The following PCDHA3 variants were observed in gnomAD, a reference collection of about 807,000 sequenced individuals.
PCDHA3 encodes the protein protocadherin alpha 3.
In PCDHA3, 41 loss-of-function variants were observed where a neutral mutation model predicts 62.2. The observed-to-expected ratio is 0.66, with a 90% CI of 0.51 to 0.86. PCDHA3 has a LOEUF of 0.86. Ranked by LOEUF, PCDHA3 falls within the 40% of genes least tolerant of loss-of-function variation. PCDHA3 has a pLI of 0.00. For synonymous variants in PCDHA3, 640 were observed against 555.4 expected, an observed-to-expected ratio of 1.15 and a Z score of -2.14; for missense variants, 1,304 against 1,241.2, an observed-to-expected ratio of 1.05 and a Z score of -0.76.
chr5:140,990,834 A>G (rs1554251782), intron 3 of PCDHA3, among the ~76,000 whole-genome samples: 1 of 152,234 alleles, frequency 6.6e-6, no homozygotes, highest in East Asian at 1.9e-4. Flanking sequence ...AAAGCCTATT[A>G]GCAAAAATAG....
intron 1 of PCDHA3, among the ~76,000 whole-genome samples, chr5:140,946,691 G>C (rs782114019): frequency 6.8e-6 from 1 of 147,578 alleles, no homozygotes; most frequent in Non-Finnish European, 1.5e-5. Flanking sequence ...TGACAATATG[G>C]ATGAATCTGG....
intron 1 of PCDHA3, chr5:140,827,943 A>T: frequency 1.7e-6 from 2 of 1,183,778 alleles, no homozygotes; most frequent in Admixed American, 2.3e-5. Flanking sequence ...TAGCTAGCCA[A>T]CATTCAAATT....
chr5:141,000,948 G>C (rs1032144041), intron 3 of PCDHA3, among the ~76,000 whole-genome samples: 3 of 151,774 alleles, frequency 2.0e-5, no homozygotes, highest in Non-Finnish European at 1.5e-5. Flanking sequence ...AAATTATCTT[G>C]CTGTAATTTA....
At chr5:140,877,798 C>T in intron 1 of PCDHA3, 2 of 1,613,568 alleles carry the variant, frequency 1.2e-6, no homozygotes. Flanking sequence ...CAGCCCAAGC[C>T]TTCAGCTGTC....
chr5:140,937,838 G>A (rs757526914), intron 1 of PCDHA3, among the ~76,000 whole-genome samples: 3 of 150,986 alleles, frequency 2.0e-5, no homozygotes, highest in Non-Finnish European at 2.9e-5. Context: ...CATGAACCTG[G>A]AAGGCGGAAC....
intron 1 of PCDHA3, chr5:140,843,832 T>C (rs1176599211): frequency 8.9e-7 from 1 of 1,120,192 alleles, no homozygotes; most frequent in Non-Finnish European, 1.3e-6. Flanking sequence ...AAACATTGTT[T>C]AGTTTTTAGA....
At position 140,853,959 on chromosome 5, in the gene PCDHA3, G is replaced by A. The variant is rs2042923125; in HGVS notation, c.2394+50368G>A. 2.7e-6 allele frequency: 2 copies of A among 736,852 alleles called. 1 individual carries two copies. The highest frequency in any genetic ancestry group is 3.4e-6 in the Non-Finnish European group (2 of 589,618). The allele number at this position is 736,852 out of a possible 1,614,324, so 45.6% of individuals were successfully genotyped here. On this transcript the variant is annotated intron_variant, in intron 1 of 3. Transcript: ENST00000522353. ...CAAGGTGGGAGGGTCCCTTCCTTGA[G>A]CCCAGCAGTTTGAGACCAATGTAGT...
At chr5:140,962,350 C>A (rs78940637) in intron 1 of PCDHA3, among the ~76,000 whole-genome samples, 3,557 of 152,264 alleles carry the variant, frequency 0.023, 46 homozygotes, top group Middle Eastern at 0.034. Context: ...TAAAACTCCC[C>A]CCAATACTGG....
At position 140,836,743 on chromosome 5, in the gene PCDHA3, G is replaced by A. The variant is rs143805132; in HGVS notation, c.2394+33152G>A. The A allele has an allele frequency of 3.8e-4, 606 of 1,593,492 alleles. 2 individuals carry two copies. Among genetic ancestry groups the A allele is most frequent in the Non-Finnish European group, 4.1e-4 (480 of 1,171,798 alleles). ...GGTCCATCCTCTACAGACAATGTGA[G>A]TCATAAATAATCTTGTTTCCAACAA... On this transcript the variant is annotated intron_variant, in intron 1 of 3. Transcript: ENST00000522353.
chr5:140,928,592 T>G (rs781970359), intron 1 of PCDHA3: 1 of 1,614,178 alleles, frequency 6.2e-7, no homozygotes, highest in Non-Finnish European at 8.5e-7. Context: ...TCTGTCCCAG[T>G]GGAAATTGTG....
intron 1 of PCDHA3, among the ~76,000 whole-genome samples, chr5:140,845,336 T>C (rs2150378543): frequency 6.7e-6 from 1 of 149,694 alleles, no homozygotes; most frequent in Non-Finnish European, 1.5e-5. Context: ...TACTGAATTC[T>C]CCTAAACATT....
At position 140,801,259 on chromosome 5, in the gene PCDHA3, T is replaced by G. The variant is rs1762666214; in HGVS notation, c.62T>G (p.Leu21Arg). 6 of 1,613,624 alleles carry G rather than the reference T, an allele frequency of 3.7e-6. No individual in the cohort carries two copies. The highest frequency in any genetic ancestry group is 5.1e-6 in the Non-Finnish European group (6 of 1,179,876). ...AQCLLLSLLL[L>R]AASEVGSGQL... is the part of the protein sequence containing the mutation. ...TGCCTGCTGCTTTCTCTTCTGCTCC[T>G]CGCAGCCTCGGAGGTGGGGAGCGGC... The change falls in exon 1 of 4, where the codon CTC (leucine) becomes CGC (arginine). Residue 21 changes from leucine (L) to arginine (R), a missense_variant. Physicochemically the swap from Leu to Arg is moderately radical, Grantham distance 102. Coordinates refer to ENST00000522353, the MANE Select transcript of PCDHA3 (RefSeq NM_018906.3).
intron 1 of PCDHA3, chr5:140,967,726 TG>T: frequency 6.2e-7 from 1 of 1,613,974 alleles, no homozygotes; most frequent in Non-Finnish European, 8.5e-7. Flanking sequence ...TGCGAGTAAT[TG>T]GGGGGCTGGA....
At position 140,803,496 on chromosome 5, in the gene PCDHA3, A is replaced by G; in HGVS notation, c.2299A>G (p.Thr767Ala). ...GTGCTCTGGAGAGGGGTTGCCCAAG[A>G]CCGACCTCATGGCTTTTAGCCCTAG... ...RVCSGEGLPK[T>A]DLMAFSPSLP... The change falls in exon 1 of 4, where the codon ACC (threonine) becomes GCC (alanine). Residue 767 changes from threonine to alanine, a missense_variant. Physicochemically the swap from Thr to Ala is moderately conservative, Grantham distance 58. Coordinates refer to ENST00000522353, the MANE Select transcript of PCDHA3 (RefSeq NM_018906.3). 1.2e-6 allele frequency: 2 copies of G among 1,614,224 alleles called. No individual in the cohort carries two copies. The highest frequency in any genetic ancestry group is 1.7e-6 in the Non-Finnish European group (2 of 1,180,032).
chr5:140,962,796 A>T (rs1248367259), intron 1 of PCDHA3, among the ~76,000 whole-genome samples: 1 of 152,222 alleles, frequency 6.6e-6, no homozygotes, highest in Non-Finnish European at 1.5e-5. Flanking sequence ...ACTACTTTGG[A>T]CAACTCTAAA....
chr5:140,963,177 T>A (rs1002604435), intron 1 of PCDHA3, among the ~76,000 whole-genome samples: 1 of 152,194 alleles, frequency 6.6e-6, no homozygotes, highest in East Asian at 1.9e-4. Flanking sequence ...CTTACAGATA[T>A]GCTGTAGACT....
At chr5:140,971,977 G>A (rs891260348) in intron 1 of PCDHA3, among the ~76,000 whole-genome samples, 1 of 152,022 alleles carries the variant, frequency 6.6e-6, no homozygotes, top group Non-Finnish European at 1.5e-5. Context: ...AATACTATGA[G>A]TAGACAGAAG....
In PCDHA3 at chr5:140,946,631, T is replaced by TATATATATATATATATATATAC. The variant is rs57893927; in HGVS notation, c.2395-32317_2395-32316insTATATATATATATATATATACA. 3.0e-3 allele frequency among the ~76,000 whole-genome samples: 389 copies of TATATATATATATATATATATAC among 131,774 alleles called. 27 individuals are homozygous for TATATATATATATATATATATAC. The highest frequency in any genetic ancestry group is 0.013 in the African/African-American group (369 of 28,648). 86.4% of individuals were successfully genotyped at this position (131,774 alleles called of 152,430 possible). A position where few individuals can be genotyped will look rare whatever the true frequency, so the allele number is the denominator to read the frequency against. ...TGTGAAATATATATATATATATATA[T>TATATATATATATATATATATAC]ACAATGGAATACTCATCAGCCATTA... On this transcript the variant is annotated intron_variant, in intron 1 of 3. Coordinates refer to ENST00000522353, the MANE Select transcript of PCDHA3 (RefSeq NM_018906.3).
rs782252615 is a variant in PCDHA3 at position 140,805,132 on chromosome 5, T to C, written c.2394+1541T>C. ...TCTAACAAGACTCTTGGCAAAGACA[T>C]TTTGAAGACTTTGGAATTTTCACTT... On this transcript the variant is annotated intron_variant, in intron 1 of 3. Coordinates refer to ENST00000522353, the MANE Select transcript of PCDHA3 (RefSeq NM_018906.3). The C allele has an allele frequency of 7.6e-6, 12 of 1,575,886 alleles. No homozygotes were observed. The Admixed American group carries it at 2.1e-4, about 28-fold the overall frequency.
Sources: allele counts gnomAD v4.1 joint callset (sites outside exome capture counted in the v4.1 genomes callset), GRCh38; gene constraint gnomAD v4.1.1; transcripts MANE v1.5; gene names NCBI Gene and HGNC (gene_info 2026-07-23, HGNC 2026-07-21).